PIK3CA: variants seen among roughly 807,000 people sequenced by gnomAD.
The protein encoded by PIK3CA is phosphatidylinositol 4,5-bisphosphate 3-kinase catalytic subunit alpha isoform.
Under a neutral mutation model 138.2 loss-of-function variants are expected in PIK3CA, and 27 were observed. The observed-to-expected ratio is 0.20, with a 90% confidence interval of 0.14 to 0.27. PIK3CA has a LOEUF of 0.27. PIK3CA is among the 10% of genes least tolerant of loss of function. The pLI is 1.00. For missense variants in PIK3CA, 544 were observed against 1,277.4 expected, an observed-to-expected ratio of 0.43 and a Z score of 8.75; for synonymous variants, 358 against 413.2, an observed-to-expected ratio of 0.87 and a Z score of 1.62.
At chr3:179,200,415 A>T (rs554379467) in intron 3 of PIK3CA, among the ~76,000 whole-genome samples, 69 of 152,212 alleles carry the variant, frequency 4.5e-4, no homozygotes, top group African/African-American at 1.6e-3. Context: ...AAACTAAACT[A>T]TATTGTTTTC....
intron 1 of PIK3CA, among the ~76,000 whole-genome samples, chr3:179,150,369 G>A (rs1722985971): frequency 6.6e-6 from 1 of 152,038 alleles, no homozygotes; most frequent in Non-Finnish European, 1.5e-5. Context: ...CATCATGGGG[G>A]AAATAACAAG....
intron 1 of PIK3CA, among the ~76,000 whole-genome samples, chr3:179,186,485 G>A (rs1322481155): frequency 1.1e-4 from 16 of 152,176 alleles, no homozygotes; most frequent in Non-Finnish European, 1.0e-4. Context: ...TTGACTTTAA[G>A]TTGAAAAGTA....
chr3:179,184,343 C>G (rs1723921049), intron 1 of PIK3CA, among the ~76,000 whole-genome samples: 1 of 152,162 alleles, frequency 6.6e-6, no homozygotes, highest in Admixed American at 6.5e-5. Context: ...ATCTGCTTTG[C>G]TTATTATTTG....
intron 1 of PIK3CA, among the ~76,000 whole-genome samples, chr3:179,152,196 G>A (rs1388828417): frequency 6.6e-6 from 1 of 152,062 alleles, no homozygotes; most frequent in Non-Finnish European, 1.5e-5. Context: ...ATTTCATTTG[G>A]GGACAGTTGA....
intron 9 of PIK3CA, among the ~76,000 whole-genome samples, chr3:179,213,775 G>C (rs1027001774): frequency 5.9e-5 from 9 of 152,206 alleles, no homozygotes; most frequent in Non-Finnish European, 1.2e-4. Context: ...CTCTAGCTGT[G>C]AAAGTCCTAG....
rs527614998 is a variant in PIK3CA at position 179,203,840 on chromosome 3, C to A, written c.1059+51C>A. On this transcript the variant is annotated intron_variant, in intron 5 of 20. Coordinates refer to ENST00000263967, the MANE Select transcript of PIK3CA (RefSeq NM_006218.4). ...ATTTTATAGAAATTATTTTAGATAACCTTTTTCTTGCACTATACAGTAATC... is the reference window on the plus strand; with the variant it reads ...ATTTTATAGAAATTATTTTAGATAAACTTTTTCTTGCACTATACAGTAATC... 530 of 1,387,526 alleles carry A rather than the reference C, an allele frequency of 3.8e-4. 11 individuals carry two copies. The South Asian group carries it at 6.8e-3, about 18-fold the overall frequency. The allele number at this position is 1,387,526 out of a possible 1,614,324, so 86.0% of individuals were successfully genotyped here.
At chr3:179,195,251 C>T (rs1724237361) in intron 1 of PIK3CA, among the ~76,000 whole-genome samples, 1 of 149,396 alleles carries the variant, frequency 6.7e-6, no homozygotes, top group Non-Finnish European at 1.5e-5. Flanking sequence ...ATTTACTTGC[C>T]TTCTCGGTGA....
chr3:179,160,103 A>G (rs994329486), intron 1 of PIK3CA, among the ~76,000 whole-genome samples: 1 of 152,144 alleles, frequency 6.6e-6, no homozygotes, highest in African/African-American at 2.4e-5. Context: ...CTTGATGAAC[A>G]CTGCACCCTT....
intron 1 of PIK3CA, among the ~76,000 whole-genome samples, chr3:179,165,974 T>C (rs1723408808): frequency 6.6e-6 from 1 of 152,194 alleles, no homozygotes; most frequent in South Asian, 2.1e-4. Flanking sequence ...ATAGCCTCTA[T>C]TACAACACAC....
intron 1 of PIK3CA, among the ~76,000 whole-genome samples, 200 bp downstream of exon 1, chr3:179,148,803 C>CG (rs1722926247): frequency 6.6e-6 from 1 of 152,164 alleles, no homozygotes; most frequent in African/African-American, 2.4e-5. Context: ...GCTGCAGAGG[C>CG]GAGGGCTCGC....
chr3:179,179,962 C>A (rs1723800336), intron 1 of PIK3CA, among the ~76,000 whole-genome samples: 1 of 151,576 alleles, frequency 6.6e-6, no homozygotes, highest in African/African-American at 2.4e-5. Flanking sequence ...GATTATGGAG[C>A]ATATTTACAA....
chr3:179,185,490 T>C (rs1723955558), intron 1 of PIK3CA, among the ~76,000 whole-genome samples: 1 of 152,188 alleles, frequency 6.6e-6, no homozygotes, highest in African/African-American at 2.4e-5. Flanking sequence ...GATTCTTCAA[T>C]AGACAGCAGT....
chr3:179,165,988 T>C (rs1320863426), intron 1 of PIK3CA, among the ~76,000 whole-genome samples: 1 of 152,202 alleles, frequency 6.6e-6, no homozygotes, highest in Non-Finnish European at 1.5e-5. Context: ...AACACACATA[T>C]ACTAAATTAC....
At chr3:179,227,326 C>T (rs1725107123) in intron 17 of PIK3CA, among the ~76,000 whole-genome samples, 1 of 151,726 alleles carries the variant, frequency 6.6e-6, no homozygotes, top group Non-Finnish European at 1.5e-5. Flanking sequence ...AATAACAAGA[C>T]TTAGAAGACA....
chr3:179,221,983 C>CTAA (rs1724979435), intron 14 of PIK3CA, among the ~76,000 whole-genome samples: 1 of 152,040 alleles, frequency 6.6e-6, no homozygotes, highest in Non-Finnish European at 1.5e-5. Flanking sequence ...GCTGGAATTA[C>CTAA]AGGCATGAGC....
rs2108425237 is a variant in PIK3CA at position 179,230,334 on chromosome 3, G to C, written c.2894G>C (p.Ser965Thr). 6.2e-7 allele frequency: 1 copy of C among 1,610,564 alleles called. No individual in the cohort carries two copies. The highest frequency in any genetic ancestry group is 8.5e-7 in the Non-Finnish European group (1 of 1,178,722). The change falls in exon 20 of 21, where the codon AGT (serine) becomes ACT (threonine). Residue 965 changes from serine to threonine, a missense_variant. Physicochemically the swap from Ser to Thr is moderately conservative, Grantham distance 58. Transcript: ENST00000263967. The surrounding 1 kb of genome is among the most constrained non-coding windows in gnomAD (Gnocchi z 5.4). Reference sequence around the variant, plus strand: ...ACACAGGATTTCTTAATAGTGATTAGTAAAGGAGCCCAAGAATGCACAAAG... The same window carrying C: ...ACACAGGATTTCTTAATAGTGATTACTAAAGGAGCCCAAGAATGCACAAAG... ...VLTQDFLIVI[S>T]KGAQECTKTR...
At chr3:179,159,772 G>A (rs987736450) in intron 1 of PIK3CA, among the ~76,000 whole-genome samples, 17 of 152,116 alleles carry the variant, frequency 1.1e-4, no homozygotes, top group African/African-American at 3.9e-4. Context: ...AGAGTGTACC[G>A]ACACAAACTT....
At chr3:179,160,747 T>C (rs1443578426) in intron 1 of PIK3CA, among the ~76,000 whole-genome samples, 9 of 152,242 alleles carry the variant, frequency 5.9e-5, no homozygotes, top group Non-Finnish European at 1.3e-4. Flanking sequence ...TTTTGTACAG[T>C]GTGGTATACA....
chr3:179,160,932 A>C (rs1231476999), intron 1 of PIK3CA, among the ~76,000 whole-genome samples: 4 of 147,758 alleles, frequency 2.7e-5, no homozygotes, highest in South Asian at 2.1e-4. Flanking sequence ...CTCACAAAAC[A>C]GTAGTTTGTT....
Sources: gnomAD v4.1 joint callset for allele counts (sites outside exome capture counted in the v4.1 genomes callset) on GRCh38, gnomAD v4.1.1 for gene constraint, Gnocchi (gnomAD v3.1) non-coding constraint, MANE v1.5 for transcripts, NCBI Gene and HGNC (gene_info 2026-07-23, HGNC 2026-07-21) for gene names.